PRH1: variants seen among roughly 807,000 people sequenced by gnomAD.
PRH1 encodes salivary acidic proline-rich phosphoprotein 1/2.
In PRH1, 7 loss-of-function variants were observed where a neutral mutation model predicts 7.9. The observed-to-expected ratio is 0.89, with a 90% confidence interval of 0.50 to 1.67. The LOEUF (loss-of-function observed/expected upper bound fraction) is 1.67, where lower values mean the gene tolerates loss of function less well. Among genes scored for constraint, PRH1 ranks in the 40% most tolerant of loss-of-function variants. The probability of loss-of-function intolerance (pLI) is 0.00; values close to 1 mark genes in which losing one functional copy is unlikely to be tolerated. For synonymous variants in PRH1, 45 were observed against 80.8 expected (o/e 0.56, Z 2.38); for missense variants, 109 against 223.6 (o/e 0.49, Z 3.27).
intron 1 of PRH1, among the ~76,000 whole-genome samples, chr12:11,143,135 G>A (rs1839859): frequency 0.44 from 66,777 of 151,734 alleles, 15,482 homozygotes; most frequent in Non-Finnish European, 0.51. Flanking sequence ...AATAGTTCCC[G>A]CAACCTTTGA....
intron 1 of PRH1, among the ~76,000 whole-genome samples, chr12:11,066,069 A>G (rs372873485): frequency 6.6e-6 from 1 of 152,226 alleles, no homozygotes; most frequent in South Asian, 2.1e-4. Flanking sequence ...CATTTATAAC[A>G]ATCTTTAAAA....
chr12:11,045,871 T>C (rs1388005716), intron 1 of PRH1, among the ~76,000 whole-genome samples: 2 of 144,114 alleles, frequency 1.4e-5, no homozygotes, highest in Admixed American at 1.4e-4. Context: ...TGAAATGTGG[T>C]CACCAATCAA....
intron 1 of PRH1, chr12:11,034,856 C>G (rs965742046): frequency 1.3e-5 from 2 of 152,932 alleles, no homozygotes; most frequent in Non-Finnish European, 2.9e-5. Context: ...CACTGAACTC[C>G]AGCCTGGATA....
At chr12:10,909,102 C>T (rs1308011065) in intron 2 of PRH1, 5 of 1,613,610 alleles carry the variant, frequency 3.1e-6, no homozygotes, top group Non-Finnish European at 4.2e-6. Context: ...AGCTAAAAAC[C>T]AACTTACTAA....
intron 1 of PRH1, among the ~76,000 whole-genome samples, chr12:11,039,409 T>G (rs1395995915): frequency 6.6e-6 from 1 of 152,250 alleles, no homozygotes; most frequent in Non-Finnish European, 1.5e-5. Context: ...AAATTAACTC[T>G]TGTTCAAACA....
In PRH1 at chr12:11,088,606, C is replaced by A. The variant is rs113443223; in HGVS notation, n.124-41418G>T. On this transcript the variant is annotated intron_variant and non_coding_transcript_variant, in intron 1 of 4. Transcript: ENST00000541977. ...AATTTCCTATCACTACAAAAGAGAC[C>A]CAGTATTTTGGGGGCCTATTGGGAT... Among the ~76,000 whole-genome samples, 20 of 109,644 alleles carry A rather than the reference C, an allele frequency of 1.8e-4. 2 individuals carry two copies. Among genetic ancestry groups the A allele is most frequent in the African/African-American group, 6.1e-4 (20 of 32,758 alleles). The allele number at this position is 109,644 out of a possible 152,430, so 71.9% of individuals were successfully genotyped here. A position where few individuals can be genotyped will look rare whatever the true frequency, so the allele number is the denominator to read the frequency against.
intron 1 of PRH1, among the ~76,000 whole-genome samples, chr12:11,066,441 C>G (rs1943815664): frequency 6.6e-6 from 1 of 151,892 alleles, no homozygotes; most frequent in Admixed American, 6.6e-5. Context: ...TTAAGCTCAT[C>G]TATAAATAAT....
At chr12:11,163,173 T>C (rs1947468525) in intron 1 of PRH1, among the ~76,000 whole-genome samples, 1 of 147,050 alleles carries the variant, frequency 6.8e-6, no homozygotes, top group Non-Finnish European at 1.5e-5. Context: ...CTTCCATATC[T>C]TAAATTTTTA....
At chr12:11,134,529 C>T in intron 1 of PRH1, 1 of 357,278 alleles carries the variant, frequency 2.8e-6, no homozygotes, top group Non-Finnish European at 5.0e-6. Context: ...ATTATTCATA[C>T]TGAAATTGAC....
upstream of PRH1, among the ~76,000 whole-genome samples, chr12:11,047,789 T>C (rs903735029): frequency 6.6e-6 from 1 of 152,156 alleles, no homozygotes; most frequent in African/African-American, 2.4e-5. Context: ...AACCATTCTA[T>C]TTGCTTTATA....
At chr12:11,113,789 GGGAGAAAA>G (rs1670323904) in intron 1 of PRH1, among the ~76,000 whole-genome samples, 3 of 151,898 alleles carry the variant, frequency 2.0e-5, no homozygotes, top group Admixed American at 1.3e-4. Context: ...CCTACAGAAT[GGGAGAAAA>G]TTTTTGCAAT....
intron 1 of PRH1, among the ~76,000 whole-genome samples, chr12:11,167,362 T>C (rs1045001409): frequency 4.6e-5 from 7 of 152,164 alleles, no homozygotes; most frequent in African/African-American, 1.7e-4. Flanking sequence ...CATTTTCTTG[T>C]TACCTACTGA....
At chr12:11,127,197 A>C (rs75398108) in intron 1 of PRH1, among the ~76,000 whole-genome samples, 4 of 152,124 alleles carry the variant, frequency 2.6e-5, no homozygotes, top group African/African-American at 9.7e-5. Flanking sequence ...CAAATACTAT[A>C]TGCTTGTTAT....
chr12:10,940,125 T>C (rs1342707013), intron 2 of PRH1, among the ~76,000 whole-genome samples: 1 of 152,182 alleles, frequency 6.6e-6, no homozygotes, highest in Non-Finnish European at 1.5e-5. Flanking sequence ...CTAATAATCT[T>C]GTGGAAGACA....
At chr12:10,956,279 T>C (rs1002302789) in intron 2 of PRH1, among the ~76,000 whole-genome samples, 6 of 152,190 alleles carry the variant, frequency 3.9e-5, no homozygotes, top group African/African-American at 1.4e-4. Context: ...CACATGTAAA[T>C]CAATATATGT....
At chr12:10,976,880 C>T (rs56189144) in intron 1 of PRH1, among the ~76,000 whole-genome samples, 1 of 151,936 alleles carries the variant, frequency 6.6e-6, no homozygotes, top group Admixed American at 6.6e-5. Context: ...AATTGCATCC[C>T]TAAATAAACC....
chr12:10,983,199 A>G (rs1015352611), intron 1 of PRH1, among the ~76,000 whole-genome samples: 2 of 152,214 alleles, frequency 1.3e-5, no homozygotes, highest in African/African-American at 4.8e-5. Context: ...GTGGAAGACT[A>G]TTCCTTCTCC....
intron 1 of PRH1, among the ~76,000 whole-genome samples, chr12:11,115,064 A>C (rs1001232009): frequency 2.0e-5 from 3 of 152,206 alleles, no homozygotes; most frequent in Non-Finnish European, 4.4e-5. Flanking sequence ...CTAACATTGA[A>C]TGTAAATGGG....
At chr12:11,081,169 T>G (rs72477437) in intron 1 of PRH1, among the ~76,000 whole-genome samples, 36,076 of 89,628 alleles carry the variant, frequency 0.4, 5,233 homozygotes, top group Non-Finnish European at 0.5. Context: ...CCTCTAGCTT[T>G]GTATATTTCC....
Sources: allele counts gnomAD v4.1 joint callset (sites outside exome capture counted in the v4.1 genomes callset), GRCh38; gene constraint gnomAD v4.1.1; transcripts MANE v1.5; gene names NCBI Gene and HGNC (gene_info 2026-07-23, HGNC 2026-07-21).